Variants in DHDDS observed in about 807,000 individuals in gnomAD.
DHDDS encodes the protein dehydrodolichyl diphosphate synthase complex subunit DHDDS.
DHDDS carries 16 observed loss-of-function variants against 46.2 expected under a neutral mutation model. That is an observed-to-expected ratio of 0.35 (90% confidence interval 0.23 to 0.53). The LOEUF is 0.53. Ranked by LOEUF, DHDDS falls within the 20% of genes least tolerant of loss-of-function variation. The probability of loss-of-function intolerance (pLI) is 0.94; values close to 1 mark genes in which losing one functional copy is unlikely to be tolerated. For missense variants in DHDDS, 340 were observed against 423.7 expected (o/e 0.80, Z 1.73); for synonymous variants, 151 against 163.1 (o/e 0.93, Z 0.56).
intron 8 of DHDDS, among the ~76,000 whole-genome samples, chr1:26,464,820 G>A (rs946327200): frequency 4.6e-5 from 7 of 152,136 alleles, no homozygotes; most frequent in African/African-American, 1.7e-4. Context: ...TGCCCAATGT[G>A]TCCCTATTCT....
chr1:26,437,420 A>C (rs1334439838), intron 2 of DHDDS, among the ~76,000 whole-genome samples: 1 of 151,816 alleles, frequency 6.6e-6, no homozygotes, highest in East Asian at 1.9e-4. Flanking sequence ...CTGATGAAGG[A>C]GGATTGCTTG....
rs1489159847 is a variant in DHDDS, at chr1:26,471,275, A to T, written c.*2144A>T. The T allele has an allele frequency of 6.6e-6, 1 of 152,158 alleles. No homozygotes were observed. The highest frequency in any genetic ancestry group is 1.5e-5 in the Non-Finnish European group (1 of 68,026). The allele number at this position is 152,158 out of a possible 1,614,324, so 9.4% of individuals were successfully genotyped here. On this transcript the variant is annotated 3_prime_UTR_variant, in exon 9 of 9. Coordinates refer to ENST00000236342, the MANE Select transcript of DHDDS (RefSeq NM_205861.3). ...TCGTATTCTTGTGTGCTGGGTCTCA[A>T]ATAGAATTTTTAAAGATTCTTAGAT...
At chr1:26,449,183 C>G (rs2075296456) in intron 6 of DHDDS, among the ~76,000 whole-genome samples, 1 of 152,098 alleles carries the variant, frequency 6.6e-6, no homozygotes, top group Non-Finnish European at 1.5e-5. Context: ...ACTGCAACCT[C>G]CGCTTCCCAG....
intron 3 of DHDDS, among the ~76,000 whole-genome samples, chr1:26,441,804 G>A (rs539859710): frequency 2.0e-5 from 3 of 151,602 alleles, no homozygotes; most frequent in South Asian, 2.1e-4. Flanking sequence ...GCTGAGGCAG[G>A]AGAATCACTT....
At chr1:26,447,477 G>A (rs2075280134) in intron 5 of DHDDS, 82 bp from the exon 6 acceptor site, 1 of 1,108,416 alleles carries the variant, frequency 9.0e-7, no homozygotes, top group African/African-American at 1.5e-5. Flanking sequence ...GGGAAAGGCT[G>A]GAAGGGCTTC....
At chr1:26,447,780 G>GC (rs1557440935) in intron 6 of DHDDS, 120 bp downstream of exon 6, 1 of 859,416 alleles carries the variant, frequency 1.2e-6, no homozygotes, top group Admixed American at 2.0e-5. Flanking sequence ...CTTGAGGCAG[G>GC]CCAGGAGTTC....
chr1:26,461,822 G>A (rs74061171), intron 8 of DHDDS, among the ~76,000 whole-genome samples: 2,955 of 151,842 alleles, frequency 0.019, 94 homozygotes, highest in African/African-American at 0.067. Context: ...AGAATATGAG[G>A]AAATTAAAAG....
chr1:26,468,548 T>C (rs2075516495), intron 8 of DHDDS, among the ~76,000 whole-genome samples: 2 of 152,092 alleles, frequency 1.3e-5, no homozygotes, highest in South Asian at 2.1e-4. Flanking sequence ...GATGAAGAAA[T>C]GAGGTTAGGA....
chr1:26,462,099 C>T (rs1010172861), intron 8 of DHDDS, among the ~76,000 whole-genome samples: 2 of 150,738 alleles, frequency 1.3e-5, no homozygotes, highest in African/African-American at 2.5e-5. Flanking sequence ...ACTCTGTTGC[C>T]CAGGCTGGAG....
At chr1:26,438,467 C>G (rs2075183747) in intron 3 of DHDDS, 183 bp downstream of exon 3, 1 of 603,332 alleles carries the variant, frequency 1.7e-6, no homozygotes, top group Non-Finnish European at 3.0e-6. Context: ...GCTTTTGCCT[C>G]TAATCCCACA....
chr1:26,450,735 G>A (rs549570665), intron 6 of DHDDS, among the ~76,000 whole-genome samples: 2 of 152,288 alleles, frequency 1.3e-5, no homozygotes, highest in South Asian at 4.1e-4. Flanking sequence ...TAAGAGACTG[G>A]TGGAGTTAGC....
At chr1:26,447,811 G>T in intron 6 of DHDDS, 151 bp downstream of exon 6, 4 of 708,494 alleles carry the variant, frequency 5.6e-6, no homozygotes, top group Non-Finnish European at 1.0e-5. Flanking sequence ...TGGCCAACAT[G>T]GCAAAACTCC....
At chr1:26,455,445 C>G (rs1431803865) in intron 6 of DHDDS, among the ~76,000 whole-genome samples, 1 of 152,042 alleles carries the variant, frequency 6.6e-6, no homozygotes, top group East Asian at 1.9e-4. Flanking sequence ...CCTTAAAGGA[C>G]TGAGAGAGAT....
At chr1:26,449,659 A>G (rs1295217041) in intron 6 of DHDDS, among the ~76,000 whole-genome samples, 1 of 152,058 alleles carries the variant, frequency 6.6e-6, no homozygotes, top group Non-Finnish European at 1.5e-5. Flanking sequence ...CCTGGGCTCA[A>G]GCGATTCTTC....
intron 8 of DHDDS, among the ~76,000 whole-genome samples, chr1:26,460,579 C>G (rs565511753): frequency 6.6e-6 from 1 of 152,322 alleles, no homozygotes; most frequent in Admixed American, 6.5e-5. Context: ...ATAGCATTGT[C>G]TTTCCATTGT....
At chr1:26,467,782 A>G (rs1282265178) in intron 8 of DHDDS, among the ~76,000 whole-genome samples, 1 of 152,238 alleles carries the variant, frequency 6.6e-6, no homozygotes, top group Non-Finnish European at 1.5e-5. Context: ...TTTCTCACAC[A>G]TGGAATAGGT....
chr1:26,456,629 G>C (rs2075372624), intron 6 of DHDDS, among the ~76,000 whole-genome samples: 1 of 152,212 alleles, frequency 6.6e-6, no homozygotes, highest in Non-Finnish European at 1.5e-5. Flanking sequence ...CTGATCGCAG[G>C]TGATCTGCCT....
intron 4 of DHDDS, among the ~76,000 whole-genome samples, chr1:26,443,992 C>T (rs2075243481): frequency 6.6e-6 from 1 of 152,146 alleles, no homozygotes. Flanking sequence ...GGCATATATC[C>T]TGGGTCACAC....
intron 3 of DHDDS, chr1:26,438,594 G>A: frequency 2.8e-6 from 1 of 353,028 alleles, no homozygotes; most frequent in Non-Finnish European, 5.5e-6. Context: ...ACTTGATGGT[G>A]CACACCTGTG....
Sources: gnomAD v4.1 joint callset for allele counts (sites outside exome capture counted in the v4.1 genomes callset) on GRCh38, gnomAD v4.1.1 for gene constraint, MANE v1.5 for transcripts, NCBI Gene and HGNC (gene_info 2026-07-23, HGNC 2026-07-21) for gene names.